Variants in EME1 observed in about 807,000 individuals in gnomAD.
EME1 encodes essential meiotic structure-specific endonuclease 1, also known as structure-specific endonuclease subunit EME1.
EME1 carries 61 observed loss-of-function variants against 59.1 expected under a neutral mutation model. The ratio of observed to expected loss-of-function variants is 1.03; its 90% CI spans 0.84 to 1.28. The LOEUF (loss-of-function observed/expected upper bound fraction) is 1.28, where lower values mean the gene tolerates loss of function less well. Among genes scored for constraint, EME1 ranks in the 50% most tolerant of loss-of-function variants. The pLI is 0.00. For synonymous variants in EME1, 230 were observed against 254.2 expected, an observed-to-expected ratio of 0.90 and a Z score of 0.90; for missense variants, 635 against 682.6, an observed-to-expected ratio of 0.93 and a Z score of 0.78.
Position 50,378,691 on chromosome 17 carries a change from G to A in EME1, c.990+10G>A. 6.2e-7 allele frequency: 1 copy of A among 1,614,200 alleles called. No homozygotes were observed. Among genetic ancestry groups the A allele is most frequent in the Non-Finnish European group, 8.5e-7 (1 of 1,180,016 alleles). ...CGACAATGGAAAGCAGGTGGGCAGA[G>A]CCAGAGGGTGGGAGGACACGGAACA... is the stretch of plus-strand genomic sequence containing the variant. On this transcript the variant is annotated intron_variant, in intron 4 of 8. Transcript: ENST00000338165.
chr17:50,374,516 C>T (rs1341260513), intron 1 of EME1, among the ~76,000 whole-genome samples: 2 of 151,938 alleles, frequency 1.3e-5, no homozygotes, highest in South Asian at 2.1e-4. Context: ...TGGGATTATA[C>T]GCATGAGCTA....
In EME1 at chr17:50,380,843, A is replaced by T. The variant is rs1235984093; in HGVS notation, c.1617A>T (p.Thr539=). ...DIQVRRGEGV[T]STSRRIGPEL... is the part of the protein sequence containing the mutation. Reference sequence around the variant, plus strand: ...AGGTGCGCCGTGGGGAAGGTGTGACATCCACTTCTCGCCGCATTGGACCAG... The same window carrying T: ...AGGTGCGCCGTGGGGAAGGTGTGACTTCCACTTCTCGCCGCATTGGACCAG... The change falls in exon 9 of 9, where the codon ACA becomes ACT. Residue 539 remains threonine (T), a synonymous_variant. Coordinates refer to ENST00000338165, the MANE Select transcript of EME1 (RefSeq NM_152463.4). The T allele has an allele frequency of 2.5e-6, 4 of 1,614,170 alleles. No homozygotes were observed.
chr17:50,380,942 C>G lies in EME1; in HGVS notation c.*3C>G, dbSNP rs368609882. 1 of 1,613,882 alleles carries G rather than the reference C, an allele frequency of 6.2e-7. No individual in the cohort carries two copies. The highest frequency in any genetic ancestry group is 8.5e-7 in the Non-Finnish European group (1 of 1,179,808). ...TCTCTTTAGATAGTGCTGACTGATTCTAGCCCTCAGGGATGAGGATGAAAA... is the reference window on the plus strand; with the variant it reads ...TCTCTTTAGATAGTGCTGACTGATTGTAGCCCTCAGGGATGAGGATGAAAA... On this transcript the variant is annotated 3_prime_UTR_variant, in exon 9 of 9. Coordinates refer to ENST00000338165, the MANE Select transcript of EME1 (RefSeq NM_152463.4).
intron 8 of EME1, 101 bp downstream of exon 8, chr17:50,380,602 C>G: frequency 6.5e-7 from 1 of 1,538,490 alleles, no homozygotes; most frequent in Non-Finnish European, 8.8e-7. Context: ...AAAGGCCTCA[C>G]AGGTCAGCAG....
intron 1 of EME1, among the ~76,000 whole-genome samples, chr17:50,374,059 G>C (rs189423048): frequency 6.7e-6 from 1 of 150,278 alleles, no homozygotes; most frequent in Non-Finnish European, 1.5e-5. Context: ...CAGATTTATG[G>C]TTGCCAGGAG....
intron 3 of EME1, among the ~76,000 whole-genome samples, chr17:50,377,058 C>A (rs1913510176): frequency 6.6e-6 from 1 of 152,030 alleles, no homozygotes; most frequent in South Asian, 2.1e-4. Context: ...CACTAAGATT[C>A]TTTTTTATCT....
chr17:50,375,877 AAGC>A lies in EME1; in HGVS notation c.671_673del (p.Ser224del). On this transcript the variant is annotated inframe_deletion, in exon 2 of 9. Transcript: ENST00000338165. ...AGCAGAGACAAGCAAGGCAGAAGGAAAGCACCCTGAGAAGACAGGAAAGAAAGA... is the reference window on the plus strand; with the variant it reads ...AGCAGAGACAAGCAAGGCAGAAGGAAACCCTGAGAAGACAGGAAAGAAAGA... 1 of 1,614,148 alleles carries A rather than the reference AAGC, an allele frequency of 6.2e-7. No homozygotes were observed. Among genetic ancestry groups the A allele is most frequent in the Non-Finnish European group, 8.5e-7 (1 of 1,180,016 alleles).
chr17:50,379,899 A>T (rs1490498725), intron 7 of EME1: 3 of 318,336 alleles, frequency 9.4e-6, no homozygotes, highest in South Asian at 4.6e-5. Context: ...TGGCCTACTC[A>T]GTTCAAGAAG....
In EME1 at chr17:50,378,771, C is replaced by T. The variant is rs565468318; in HGVS notation, c.991-3C>T. The T allele has an allele frequency of 2.5e-6, 4 of 1,614,206 alleles. No homozygotes were observed. Among genetic ancestry groups the T allele is most frequent in the African/African-American group, 2.7e-5 (2 of 75,042 alleles). ...TTAATGCAGTTTCTGCCCCTTCATG[C>T]AGGGAAGCCTGGACAGCACTATGAA... On this transcript the variant is annotated splice_region_variant and splice_polypyrimidine_tract_variant and intron_variant, in intron 4 of 8. Coordinates refer to ENST00000338165, the MANE Select transcript of EME1 (RefSeq NM_152463.4).
chr17:50,381,044 C>G lies in EME1; in HGVS notation c.*105C>G, dbSNP rs1475597126. ...TGGCAGCACCTCCTGGAACACAAGC[C>G]TAGGTGAGGCCCAGTCTTTCTTGGG... is the stretch of plus-strand genomic sequence containing the variant. On this transcript the variant is annotated 3_prime_UTR_variant, in exon 9 of 9. Transcript: ENST00000338165. 26 of 1,251,462 alleles carry G rather than the reference C, an allele frequency of 2.1e-5. No homozygotes were observed. The highest frequency in any genetic ancestry group is 2.7e-5 in the Non-Finnish European group (24 of 889,190). 77.5% of individuals were successfully genotyped at this position (1,251,462 alleles called of 1,614,324 possible).
chr17:50,380,141 T>G, intron 7 of EME1, 171 bp from the exon 8 acceptor site: 1 of 615,606 alleles, frequency 1.6e-6, no homozygotes, highest in Non-Finnish European at 2.8e-6. Context: ...CAACTGGCCC[T>G]ATACCTGGCA....
Position 50,375,805 on chromosome 17 carries a change from C to G in EME1, c.597C>G (p.Thr199=). 6.2e-7 allele frequency: 1 copy of G among 1,614,104 alleles called. No individual in the cohort carries two copies. The highest frequency in any genetic ancestry group is 8.5e-7 in the Non-Finnish European group (1 of 1,180,026). Residue 199 remains threonine (T), a synonymous_variant, in exon 2 of 9, where the codon ACC becomes ACG. Transcript: ENST00000338165. The stretch of plus-strand genomic sequence containing the variant: ...ACATCCTTCCACCCCAGAAGAAAAC[C>G]AAGCCGAGTCAGAAGGTCCAGGGAA... ...NSDILPPQKK[T]KPSQKVQGRG...
intron 6 of EME1, 63 bp downstream of exon 6, chr17:50,379,287 G>T (rs1342088611): frequency 3.7e-6 from 6 of 1,607,154 alleles, no homozygotes; most frequent in Non-Finnish European, 5.1e-6. Flanking sequence ...ACTTGCTATT[G>T]ATAGAGAATA....
At position 50,381,052 on chromosome 17, in the gene EME1, G is replaced by A. The variant is rs1032387177; in HGVS notation, c.*113G>A. 8.4e-6 allele frequency: 10 copies of A among 1,192,582 alleles called. No individual in the cohort carries two copies. Among genetic ancestry groups the A allele is most frequent in the Admixed American group, 2.2e-5 (1 of 44,534 alleles). The allele number at this position is 1,192,582 out of a possible 1,614,324, so 73.9% of individuals were successfully genotyped here. ...CCTCCTGGAACACAAGCCTAGGTGA[G>A]GCCCAGTCTTTCTTGGGTCTTATTA... On this transcript the variant is annotated 3_prime_UTR_variant, in exon 9 of 9. Transcript: ENST00000338165.
Position 50,378,909 on chromosome 17 carries a change from C to G in EME1, c.1112+14C>G. ...GAAATGCTTCAGGTTTGGATTTGCC[C>G]TGGTGATTTCATGTTAAAAGGGGCA... On this transcript the variant is annotated intron_variant, in intron 5 of 8. Transcript: ENST00000338165. 1 of 1,614,094 alleles carries G rather than the reference C, an allele frequency of 6.2e-7. No individual in the cohort carries two copies. The highest frequency in any genetic ancestry group is 8.5e-7 in the Non-Finnish European group (1 of 1,180,016).
chr17:50,375,138 C>A, intron 1 of EME1, 47 bp from the exon 2 acceptor site: 1 of 1,466,128 alleles, frequency 6.8e-7, no homozygotes. Context: ...AGCTAGTGGA[C>A]TGAATTGAAT....
At chr17:50,378,408 A>G (rs760610168) in intron 3 of EME1, among the ~76,000 whole-genome samples, 187 bp from the exon 4 acceptor site, 1 of 152,174 alleles carries the variant, frequency 6.6e-6, no homozygotes, top group Non-Finnish European at 1.5e-5. Flanking sequence ...GCAGGGCACC[A>G]AGACTGAATC....
chr17:50,374,000 G>A (rs1389730547), intron 1 of EME1, among the ~76,000 whole-genome samples: 3 of 152,196 alleles, frequency 2.0e-5, no homozygotes, highest in Non-Finnish European at 1.5e-5. Flanking sequence ...GCCACATAGT[G>A]TATGATTCTA....
rs2189712 is a variant in EME1 at position 50,378,624 on chromosome 17, A to G, written c.933A>G (p.Thr311=). 24 of 1,613,802 alleles carry G rather than the reference A, an allele frequency of 1.5e-5. No homozygotes were observed. Among genetic ancestry groups the G allele is most frequent in the South Asian group, 8.8e-5 (8 of 91,078 alleles). ...EDREDWVEEP[T]VLVLLRAEAF... The stretch of plus-strand genomic sequence containing the variant: ...GAGAGGACTGGGTGGAGGAGCCAAC[A>G]GTACTGGTGTTGCTCCGGGCAGAGG... Residue 311 remains threonine, a synonymous_variant, in exon 4 of 9, where the codon ACA becomes ACG. Coordinates refer to ENST00000338165, the MANE Select transcript of EME1 (RefSeq NM_152463.4).
Sources: allele counts gnomAD v4.1 joint callset (sites outside exome capture counted in the v4.1 genomes callset), GRCh38; gene constraint gnomAD v4.1.1; transcripts MANE v1.5; gene names NCBI Gene and HGNC (gene_info 2026-07-23, HGNC 2026-07-21).